Variants in SLC7A6OS observed in about 807,000 individuals in gnomAD.
SLC7A6OS encodes the protein solute carrier family 7 member 6 opposite strand, also known as probable RNA polymerase II nuclear localization protein SLC7A6OS.
SLC7A6OS carries 22 observed loss-of-function variants against 34.3 expected under a neutral mutation model. That is an observed-to-expected ratio of 0.64 (90% CI 0.46 to 0.92). The LOEUF (loss-of-function observed/expected upper bound fraction) is 0.92. Among genes scored for constraint, SLC7A6OS ranks in the 40% least tolerant of loss-of-function variants. The pLI is 0.00. For missense variants in SLC7A6OS, 434 were observed against 407.7 expected, an observed-to-expected ratio of 1.06 and a Z score of -0.56; for synonymous variants, 199 against 165.0, an observed-to-expected ratio of 1.21 and a Z score of -1.58.
intron 3 of SLC7A6OS, chr16:68,303,568 G>C (rs2043303415): frequency 6.1e-6 from 1 of 164,616 alleles, no homozygotes; most frequent in Admixed American, 6.0e-5. Context: ...GGGTGACAGT[G>C]TGAGACCTTG....
At position 68,302,635 on chromosome 16, in the gene SLC7A6OS, G is replaced by C. The variant is rs998138358; in HGVS notation, c.679-134C>G. On this transcript the variant is annotated intron_variant, in intron 3 of 4. Transcript: ENST00000263997. ...TGAAAAAACTGCAGACTAGTAGTTT[G>C]ACTCCATTGCACAAGAGGCTATGAG... 28 of 957,316 alleles carry C rather than the reference G, an allele frequency of 2.9e-5. No homozygotes were observed. The Admixed American group carries it at 5.1e-4, about 18-fold the overall frequency. The allele number at this position is 957,316 out of a possible 1,614,324, so 59.3% of individuals were successfully genotyped here.
Position 68,300,564 on chromosome 16 carries a change from G to A in SLC7A6OS, c.*711C>T, listed in dbSNP as rs1252334101. On this transcript the variant is annotated 3_prime_UTR_variant, in exon 5 of 5. Transcript: ENST00000263997. ...ATGCTGAACCTTCTATTTCACTACC[G>A]CTCCCTGTTTTAGATATTCAGATTT... The A allele has an allele frequency of 3.5e-5, 33 of 944,832 alleles. No homozygotes were observed. Among genetic ancestry groups the A allele is most frequent in the Non-Finnish European group, 3.9e-5 (31 of 793,240 alleles). The allele number at this position is 944,832 out of a possible 1,614,324, so 58.5% of individuals were successfully genotyped here.
At chr16:68,303,840 T>C in intron 3 of SLC7A6OS, 186 bp downstream of exon 3, 2 of 597,950 alleles carry the variant, frequency 3.3e-6, no homozygotes, top group Non-Finnish European at 3.0e-6. Flanking sequence ...TAAGATGATC[T>C]TTCCCCAAAT....
At chr16:68,303,444 T>C (rs2043302129) in intron 3 of SLC7A6OS, among the ~76,000 whole-genome samples, 1 of 151,152 alleles carries the variant, frequency 6.6e-6, no homozygotes, top group African/African-American at 2.4e-5. Context: ...TTGGGCATCA[T>C]GGTGCATGCC....
At chr16:68,310,009 A>G (rs2043421434) in intron 2 of SLC7A6OS, among the ~76,000 whole-genome samples, 2 of 152,044 alleles carry the variant, frequency 1.3e-5, no homozygotes, top group African/African-American at 4.8e-5. Context: ...TGACACTCTC[A>G]CTGAAGTGGC....
intron 3 of SLC7A6OS, among the ~76,000 whole-genome samples, chr16:68,302,931 A>G (rs148589374): frequency 6.6e-6 from 1 of 152,348 alleles, no homozygotes; most frequent in East Asian, 1.9e-4. Context: ...GAGCATGACC[A>G]TTAGGTGCCA....
intron 1 of SLC7A6OS, 23 bp from the exon 2 acceptor site, chr16:68,310,636 G>C (rs779969747): frequency 3.8e-6 from 6 of 1,586,274 alleles, no homozygotes; most frequent in Non-Finnish European, 5.2e-6. Context: ...AGGGGACGGA[G>C]GCCAGCGTAA....
In SLC7A6OS at chr16:68,303,971, A is replaced by G. The variant is rs1469246502; in HGVS notation, c.678+55T>C. The G allele has an allele frequency of 4.7e-6, 7 of 1,494,210 alleles. No individual in the cohort carries two copies. The East Asian group carries it at 1.4e-4, about 29-fold the overall frequency. 92.6% of individuals were successfully genotyped at this position (1,494,210 alleles called of 1,614,324 possible). A position where few individuals can be genotyped will look rare whatever the true frequency, so the allele number is the denominator to read the frequency against. Reference sequence around the variant, plus strand: ...GAGCCCAGGGAAGCAAAGCATTCTGATTAGATTAAGAGCTTAGGATGCCTC... The same window carrying G: ...GAGCCCAGGGAAGCAAAGCATTCTGGTTAGATTAAGAGCTTAGGATGCCTC... On this transcript the variant is annotated intron_variant, in intron 3 of 4. Transcript: ENST00000263997.
Position 68,300,531 on chromosome 16 carries a change from T to C in SLC7A6OS, c.*744A>G. ...TCCCTTGCCTTAAGTCCTTGGTATTTATAATCAATGCTGAACCTTCTATTT... is the reference window on the plus strand; with the variant it reads ...TCCCTTGCCTTAAGTCCTTGGTATTCATAATCAATGCTGAACCTTCTATTT... On this transcript the variant is annotated 3_prime_UTR_variant, in exon 5 of 5. Coordinates refer to ENST00000263997, the MANE Select transcript of SLC7A6OS (RefSeq NM_032178.3). 1.2e-6 allele frequency: 1 copy of C among 831,470 alleles called. No individual in the cohort carries two copies. The highest frequency in any genetic ancestry group is 5.5e-5 in the South Asian group (1 of 18,270). 51.5% of individuals were successfully genotyped at this position (831,470 alleles called of 1,614,324 possible).
intron 4 of SLC7A6OS, 116 bp from the exon 5 acceptor site, chr16:68,301,521 C>T (rs2043275801): frequency 1.3e-6 from 1 of 770,682 alleles, no homozygotes; most frequent in African/African-American, 1.8e-5. Context: ...AAAATCCTTG[C>T]TCAATAAATA....
rs2043309647 is a variant in SLC7A6OS at position 68,304,217 on chromosome 16, C to T, written c.487G>A (p.Val163Met). ...AACTCTACAGAATTGCAGAGGATCA[C>T]ATCTGGGTCAGATGTCTGTAAAGAA... Reference protein sequence around the residue: ...AGSCKTSDPDVILCNSVELIR... With the variant: ...AGSCKTSDPDMILCNSVELIR... Residue 163 changes from valine (V) to methionine (M), a missense_variant, in exon 3 of 5, where the codon GTG (valine) becomes ATG (methionine). By Grantham distance (21) the Val-to-Met change is conservative. Coordinates refer to ENST00000263997, the MANE Select transcript of SLC7A6OS (RefSeq NM_032178.3). 1 of 1,614,204 alleles carries T rather than the reference C, an allele frequency of 6.2e-7. No homozygotes were observed.
chr16:68,310,057 C>T (rs1420595501), intron 2 of SLC7A6OS, among the ~76,000 whole-genome samples: 1 of 152,216 alleles, frequency 6.6e-6, no homozygotes, highest in East Asian at 1.9e-4. Context: ...CTCCTTACAT[C>T]CCTTATCATC....
chr16:68,304,213 A>G lies in SLC7A6OS; in HGVS notation c.491T>C (p.Ile164Thr). ...GSCKTSDPDV[I>T]LCNSVELIRE... ...GATCAACTCTACAGAATTGCAGAGGATCACATCTGGGTCAGATGTCTGTAA... is the reference window on the plus strand; with the variant it reads ...GATCAACTCTACAGAATTGCAGAGGGTCACATCTGGGTCAGATGTCTGTAA... The change falls in exon 3 of 5, where the codon ATC (isoleucine) becomes ACC (threonine). Residue 164 changes from isoleucine (I) to threonine (T), a missense_variant. Transcript: ENST00000263997. The G allele has an allele frequency of 6.2e-7, 1 of 1,614,174 alleles. No individual in the cohort carries two copies. The highest frequency in any genetic ancestry group is 1.1e-5 in the South Asian group (1 of 91,086).
intron 2 of SLC7A6OS, among the ~76,000 whole-genome samples, chr16:68,309,912 A>C (rs2043413911): frequency 6.6e-6 from 1 of 152,174 alleles, no homozygotes; most frequent in African/African-American, 2.4e-5. Context: ...CTTTACTTTC[A>C]GGTTCTCTGC....
rs371032855 is a variant in SLC7A6OS, at chr16:68,299,519, TC to T, written c.*1755del. ...CTCAAGCTTCATGGTGGAATTAATT[TC>T]TGCCAGCTCTTTGTTGTCTGTCTCC... On this transcript the variant is annotated 3_prime_UTR_variant, in exon 5 of 5. Coordinates refer to ENST00000263997, the MANE Select transcript of SLC7A6OS (RefSeq NM_032178.3). 9 of 152,700 alleles carry T rather than the reference TC, an allele frequency of 5.9e-5. No individual in the cohort carries two copies. Among genetic ancestry groups the T allele is most frequent in the African/African-American group, 1.7e-4 (7 of 41,590 alleles). 9.5% of individuals were successfully genotyped at this position (152,700 alleles called of 1,614,324 possible).
Position 68,304,247 on chromosome 16 carries a change from C to G in SLC7A6OS, c.472-15G>C. 6.2e-7 allele frequency: 1 copy of G among 1,609,332 alleles called. No homozygotes were observed. Among genetic ancestry groups the G allele is most frequent in the African/African-American group, 1.3e-5 (1 of 74,950 alleles). The stretch of plus-strand genomic sequence containing the variant: ...GGGTCAGATGTCTGTAAAGAAACCA[C>G]AGATTACACACACACGCATGACCCA... On this transcript the variant is annotated splice_polypyrimidine_tract_variant and intron_variant, in intron 2 of 4. Coordinates refer to ENST00000263997, the MANE Select transcript of SLC7A6OS (RefSeq NM_032178.3).
At chr16:68,307,448 T>G (rs1300778874) in intron 2 of SLC7A6OS, among the ~76,000 whole-genome samples, 1 of 152,234 alleles carries the variant, frequency 6.6e-6, no homozygotes, top group African/African-American at 2.4e-5. Flanking sequence ...AGGAATTTAT[T>G]TGCTTAAAAT....
chr16:68,305,826 A>C (rs573737707), intron 2 of SLC7A6OS, among the ~76,000 whole-genome samples: 1 of 152,284 alleles, frequency 6.6e-6, no homozygotes, highest in African/African-American at 2.4e-5. Context: ...TTGGGAAGCC[A>C]AGGTCGGAGG....
intron 2 of SLC7A6OS, among the ~76,000 whole-genome samples, chr16:68,306,693 T>C (rs1479478165): frequency 6.6e-6 from 1 of 152,168 alleles, no homozygotes; most frequent in Non-Finnish European, 1.5e-5. Context: ...AGTCTTGCTA[T>C]GTTGTTCAGG....
Sources: allele counts gnomAD v4.1 joint callset (sites outside exome capture counted in the v4.1 genomes callset), GRCh38; gene constraint gnomAD v4.1.1; transcripts MANE v1.5; gene names NCBI Gene and HGNC (gene_info 2026-07-23, HGNC 2026-07-21).